The following SEMA5A variants were observed in gnomAD, a reference collection of about 807,000 sequenced individuals.
SEMA5A encodes semaphorin-5A.
SEMA5A carries 55 observed loss-of-function variants against 135.5 expected under a neutral mutation model. The ratio of observed to expected loss-of-function variants is 0.41; its 90% CI spans 0.33 to 0.51. The LOEUF is 0.51. Ranked by LOEUF, SEMA5A falls within the 20% of genes least tolerant of loss-of-function variation. The pLI is 0.37. For synonymous variants in SEMA5A, 580 were observed against 546.5 expected (o/e 1.06, Z -0.85); for missense variants, 1,290 against 1,419.9 (o/e 0.91, Z 1.47).
chr5:9,358,673 G>C (rs148384630), intron 3 of SEMA5A, among the ~76,000 whole-genome samples: 122 of 152,340 alleles, frequency 8.0e-4, no homozygotes, highest in African/African-American at 2.9e-3. Context: ...GGTTCAAAGA[G>C]TGGCTGAATG....
intron 3 of SEMA5A, among the ~76,000 whole-genome samples, chr5:9,372,785 C>A (rs1269264668): frequency 2.0e-5 from 3 of 152,150 alleles, no homozygotes; most frequent in African/African-American, 7.2e-5. Flanking sequence ...AGCCATGTCA[C>A]ACACATGGAC....
intron 5 of SEMA5A, among the ~76,000 whole-genome samples, chr5:9,303,818 A>G (rs997837962): frequency 1.3e-5 from 2 of 152,190 alleles, no homozygotes; most frequent in Non-Finnish European, 2.9e-5. Context: ...GAAAACTATA[A>G]GTTTAACAAA....
At chr5:9,285,376 G>T (rs977586713) in intron 5 of SEMA5A, among the ~76,000 whole-genome samples, 1 of 152,050 alleles carries the variant, frequency 6.6e-6, no homozygotes, top group African/African-American at 2.4e-5. Context: ...ACTGGGCCGT[G>T]AACCCGCCAA....
chr5:9,275,905 C>A (rs987560846), intron 5 of SEMA5A, among the ~76,000 whole-genome samples: 2 of 152,152 alleles, frequency 1.3e-5, no homozygotes, highest in African/African-American at 2.4e-5. Context: ...TGGCACAAGA[C>A]AGGGATGCCC....
chr5:9,250,420 T>G (rs912849951), intron 5 of SEMA5A, among the ~76,000 whole-genome samples: 4 of 152,108 alleles, frequency 2.6e-5, no homozygotes, highest in African/African-American at 9.7e-5. Context: ...ACTTTAACCT[T>G]AGACAAATAA....
intron 11 of SEMA5A, among the ~76,000 whole-genome samples, chr5:9,170,450 T>G (rs1226257624): frequency 1.3e-5 from 2 of 152,150 alleles, no homozygotes; most frequent in Non-Finnish European, 2.9e-5. Flanking sequence ...AGACAGGACA[T>G]GCATATTGAA....
At chr5:9,480,025 C>A (rs1759815622) in intron 1 of SEMA5A, among the ~76,000 whole-genome samples, 1 of 152,162 alleles carries the variant, frequency 6.6e-6, no homozygotes, top group Non-Finnish European at 1.5e-5. Context: ...AGTACTCCAC[C>A]ACAGCATTGC....
At chr5:9,163,623 A>G in intron 11 of SEMA5A, among the ~76,000 whole-genome samples, 1 of 152,206 alleles carries the variant, frequency 6.6e-6, no homozygotes, top group South Asian at 2.1e-4. Flanking sequence ...TCCACCCAAA[A>G]GTCATATGTT....
chr5:9,509,417 G>A (rs1181618163), intron 1 of SEMA5A, among the ~76,000 whole-genome samples: 2 of 151,976 alleles, frequency 1.3e-5, no homozygotes, highest in Non-Finnish European at 2.9e-5. Flanking sequence ...TGGGATTACA[G>A]GCGCACACCA....
intron 1 of SEMA5A, among the ~76,000 whole-genome samples, chr5:9,494,961 A>T (rs948227691): frequency 6.6e-6 from 1 of 152,188 alleles, no homozygotes; most frequent in Non-Finnish European, 1.5e-5. Context: ...TCTTTTAAAA[A>T]TTTTTAACTG....
intron 3 of SEMA5A, among the ~76,000 whole-genome samples, chr5:9,348,627 A>T (rs914411033): frequency 6.6e-6 from 1 of 152,252 alleles, no homozygotes; most frequent in Non-Finnish European, 1.5e-5. Context: ...TGTGACAAAG[A>T]ACAACAAAAA....
chr5:9,069,571 T>C lies in SEMA5A; in HGVS notation c.2074-2925A>G, dbSNP rs1737662211. 2.6e-5 allele frequency among the ~76,000 whole-genome samples: 4 copies of C among 152,320 alleles called. No individual in the cohort carries two copies. In the South Asian group the frequency reaches 8.3e-4, roughly 32 times the overall value. ...TTTAAATACTCTAACTAGCTTTCTT[T>C]ACTCACAATGCATTTATTTTTTATT... On this transcript the variant is annotated intron_variant, in intron 16 of 22. Coordinates refer to ENST00000382496, the MANE Select transcript of SEMA5A (RefSeq NM_003966.3).
chr5:9,446,685 C>T (rs1758447224), intron 1 of SEMA5A, among the ~76,000 whole-genome samples: 1 of 152,206 alleles, frequency 6.6e-6, no homozygotes, highest in East Asian at 1.9e-4. Flanking sequence ...TTATTCAGAA[C>T]TACACAGCCA....
At chr5:9,476,932 AT>A (rs1157557293) in intron 1 of SEMA5A, among the ~76,000 whole-genome samples, 1 of 151,992 alleles carries the variant, frequency 6.6e-6, no homozygotes, top group Non-Finnish European at 1.5e-5. Context: ...AAAAAAAAAA[AT>A]AGCCATGCAT....
At chr5:9,464,004 C>G (rs116175784) in intron 1 of SEMA5A, among the ~76,000 whole-genome samples, 2 of 152,096 alleles carry the variant, frequency 1.3e-5, no homozygotes, top group African/African-American at 4.8e-5. Context: ...TTCTAAACCT[C>G]GACACTGTTG....
chr5:9,046,791 G>C (rs1303486683), intron 21 of SEMA5A, among the ~76,000 whole-genome samples: 10 of 152,326 alleles, frequency 6.6e-5, no homozygotes, highest in African/African-American at 2.4e-4. Flanking sequence ...TCGGGTGCAT[G>C]GACACTGTGA....
chr5:9,244,893 A>G (rs1246764165), intron 5 of SEMA5A, among the ~76,000 whole-genome samples: 1 of 152,172 alleles, frequency 6.6e-6, no homozygotes, highest in African/African-American at 2.4e-5. Flanking sequence ...TGACACTGGG[A>G]AGAAGAATAT....
chr5:9,526,097 C>T (rs1459861982), intron 1 of SEMA5A, among the ~76,000 whole-genome samples: 1 of 152,208 alleles, frequency 6.6e-6, no homozygotes, highest in Non-Finnish European at 1.5e-5. Flanking sequence ...ATAGGCCACA[C>T]ATTACAGCCA....
At chr5:9,154,785 A>G in intron 11 of SEMA5A, 90 bp from the exon 12 acceptor site, 1 of 1,140,340 alleles carries the variant, frequency 8.8e-7, no homozygotes, top group South Asian at 1.4e-5. Context: ...GTATGCAGCC[A>G]TGGATCTTCA....
Sources: gnomAD v4.1 joint callset for allele counts (sites outside exome capture counted in the v4.1 genomes callset) on GRCh38, gnomAD v4.1.1 for gene constraint, MANE v1.5 for transcripts, NCBI Gene and HGNC (gene_info 2026-07-23, HGNC 2026-07-21) for gene names.